ZNF17: variants seen among roughly 807,000 people sequenced by gnomAD.
ZNF17 encodes zinc finger protein 17, also known as zinc finger protein 17 (HPF3, KOX 10).
A neutral mutation model predicts 7.7 loss-of-function variants in ZNF17; 4 were observed. That is an observed-to-expected ratio of 0.52 (90% CI 0.26 to 1.20). The LOEUF is 1.20. Ranked by LOEUF, ZNF17 falls within the 50% of genes most tolerant of loss-of-function variation. ZNF17 has a pLI of 0.14. For synonymous variants in ZNF17, 249 were observed against 258.8 expected (o/e 0.96, Z 0.36); for missense variants, 738 against 799.5 (o/e 0.92, Z 0.93).
At position 57,420,326 on chromosome 19, in the gene ZNF17, A is replaced by G; in HGVS notation, c.840A>G (p.Glu280=). ...GAGAAAGGCCTTATGAGTGCAGTGA[A>G]TGTGGGAAAGCTTTTCTTAGAAAGT... The part of the protein sequence containing the change: ...HTGERPYECS[E]CGKAFLRKSH... The change falls in exon 4 of 4, where the codon GAA becomes GAG. Residue 280 remains glutamate (E), a synonymous_variant. Coordinates refer to ENST00000307658, the MANE Select transcript of ZNF17 (RefSeq NM_001330617.2). 6.2e-7 allele frequency: 1 copy of G among 1,614,188 alleles called. No individual in the cohort carries two copies. The highest frequency in any genetic ancestry group is 8.5e-7 in the Non-Finnish European group (1 of 1,180,028).
At position 57,421,196 on chromosome 19, in the gene ZNF17, C is replaced by G; in HGVS notation, c.1710C>G (p.His570Gln). Reference sequence around the variant, plus strand: ...GGAGAGTTTTTAGCCAAAATTCCCACCTCATTCGGCACCAAAAAGTTCACA... The same window carrying G: ...GGAGAGTTTTTAGCCAAAATTCCCAGCTCATTCGGCACCAAAAAGTTCACA... ...ECGRVFSQNS[H>Q]LIRHQKVHTR... The change falls in exon 4 of 4, where the codon CAC becomes CAG. Residue 570 changes from histidine to glutamine, a missense_variant. Physicochemically the swap from His to Gln is conservative, Grantham distance 24. Coordinates refer to ENST00000307658, the MANE Select transcript of ZNF17 (RefSeq NM_001330617.2). The G allele has an allele frequency of 6.2e-7, 1 of 1,614,024 alleles. No individual in the cohort carries two copies. The highest frequency in any genetic ancestry group is 8.5e-7 in the Non-Finnish European group (1 of 1,179,990).
intron 1 of ZNF17, among the ~76,000 whole-genome samples, chr19:57,412,713 G>C (rs993950721): frequency 2.0e-5 from 3 of 151,992 alleles, no homozygotes; most frequent in Non-Finnish European, 4.4e-5. Context: ...CAAAGTGCTG[G>C]GATTACAGGC....
At chr19:57,414,786 C>T (rs914312936) in intron 2 of ZNF17, among the ~76,000 whole-genome samples, 1 of 151,062 alleles carries the variant, frequency 6.6e-6, no homozygotes, top group African/African-American at 2.4e-5. Context: ...ACTCGGCTCA[C>T]TGCAAGCTTC....
At chr19:57,412,312 A>G (rs1057470439) in intron 1 of ZNF17, among the ~76,000 whole-genome samples, 1 of 152,150 alleles carries the variant, frequency 6.6e-6, no homozygotes, top group African/African-American at 2.4e-5. Flanking sequence ...GGGCTTTCTC[A>G]CATCTAGTCA....
At chr19:57,411,427 C>G (rs767034338) in intron 1 of ZNF17, 21 bp downstream of exon 1, 1 of 1,608,816 alleles carries the variant, frequency 6.2e-7, no homozygotes, top group African/African-American at 1.3e-5. Flanking sequence ...CGTCCCAGGG[C>G]GCCCCGCCCG....
rs28418770 is a variant in ZNF17 at position 57,420,057 on chromosome 19, A to G, written c.571A>G (p.Asn191Asp). The G allele has an allele frequency of 0.013, 20,448 of 1,614,102 alleles. 1,917 individuals are homozygous for G. The African/African-American group carries it at 0.22, about 18-fold the overall frequency. The change falls in exon 4 of 4, where the codon AAT becomes GAT. Residue 191 changes from asparagine (N) to aspartate (D), a missense_variant. By Grantham distance (23) the Asn-to-Asp change is conservative. Coordinates refer to ENST00000307658, the MANE Select transcript of ZNF17 (RefSeq NM_001330617.2). ...GGAGGCCTTTCAAAGTGGACAGAAT[A>G]ATTACAGCTGCACCCAATGTGGGAA... ...GVEAFQSGQN[N>D]YSCTQCGKDF... is the part of the protein sequence containing the mutation.
At chr19:57,416,889 A>G (rs1421209052) in intron 2 of ZNF17, among the ~76,000 whole-genome samples, 1 of 152,130 alleles carries the variant, frequency 6.6e-6, no homozygotes, top group Admixed American at 6.6e-5. Context: ...ATCAGTGGCA[A>G]TGAGGGGAGA....
chr19:57,411,577 C>G (rs75810496), intron 1 of ZNF17, 171 bp downstream of exon 1: 5 of 1,428,892 alleles, frequency 3.5e-6, no homozygotes, highest in Non-Finnish European at 4.6e-6. Flanking sequence ...GGGACCTGCA[C>G]GTGCGAGGCT....
intron 2 of ZNF17, among the ~76,000 whole-genome samples, chr19:57,414,956 C>T (rs1032999405): frequency 7.9e-4 from 120 of 151,152 alleles, no homozygotes; most frequent in African/African-American, 2.4e-3. Context: ...ATGATCTGCC[C>T]GCCTCAGCCT....
chr19:57,420,790 A>G lies in ZNF17; in HGVS notation c.1304A>G (p.Gln435Arg). ...GACACTTCCACACTCATTATTCATC[A>G]GAGAGTTCATACTGGAGAAAAGCCT... is the stretch of plus-strand genomic sequence containing the variant. ...FMDTSTLIIHQRVHTGEKPYE... is the reference protein window; with the variant it reads ...FMDTSTLIIHRRVHTGEKPYE... Residue 435 changes from glutamine to arginine, a missense_variant, in exon 4 of 4, where the codon CAG becomes CGG. Gln to Arg is a conservative substitution (Grantham distance 43). Around this residue, in one of 3 missense-constraint regions of ZNF17, gnomAD observed 616 missense variants for 663.9 expected, o/e 0.93. Coordinates refer to ENST00000307658, the MANE Select transcript of ZNF17 (RefSeq NM_001330617.2). The G allele has an allele frequency of 1.2e-6, 2 of 1,613,992 alleles. No homozygotes were observed. The highest frequency in any genetic ancestry group is 1.7e-6 in the Non-Finnish European group (2 of 1,179,960).
chr19:57,414,903 C>T (rs780051970), intron 2 of ZNF17, among the ~76,000 whole-genome samples: 1 of 151,310 alleles, frequency 6.6e-6, no homozygotes, highest in African/African-American at 2.4e-5. Flanking sequence ...TTTAGTAGAG[C>T]CAGGGTTTCA....
At position 57,420,711 on chromosome 19, in the gene ZNF17, G is replaced by A. The variant is rs374546338; in HGVS notation, c.1225G>A (p.Val409Ile). 8 of 1,613,000 alleles carry A rather than the reference G, an allele frequency of 5.0e-6. No homozygotes were observed. The highest frequency in any genetic ancestry group is 6.8e-6 in the Non-Finnish European group (8 of 1,179,686). Residue 409 changes from valine to isoleucine, a missense_variant, in exon 4 of 4, where the codon GTT becomes ATT. Around this residue, in one of 3 missense-constraint regions of ZNF17, gnomAD observed 616 missense variants for 663.9 expected, o/e 0.93. Coordinates refer to ENST00000307658, the MANE Select transcript of ZNF17 (RefSeq NM_001330617.2). ...YRSTLIRHQK[V>I]HTGEKPYECS... ...TTCCACACTCATTAGACATCAGAAA[G>A]TTCACACTGGAGAAAAGCCTTATGA...
intron 1 of ZNF17, among the ~76,000 whole-genome samples, chr19:57,412,508 G>T (rs1481395571): frequency 1.3e-5 from 2 of 151,444 alleles, no homozygotes; most frequent in Non-Finnish European, 2.9e-5. Context: ...GCAGTGGCGC[G>T]ATCTCGGCTC....
chr19:57,411,941 GATTTTGT>G (rs2088779955), intron 1 of ZNF17, among the ~76,000 whole-genome samples: 1 of 152,178 alleles, frequency 6.6e-6, no homozygotes, highest in Non-Finnish European at 1.5e-5. Context: ...CTATTCCATG[GATTTTGT>G]TTTGGCCTGA....
Position 57,421,264 on chromosome 19 carries a change from T to G in ZNF17, c.1778T>G (p.Phe593Cys). ...TYKCSKCGKF[F>C]MDSSTLISHE... ...AAATGCAGCAAATGTGGGAAATTTT[T>G]TATGGACAGCTCCACACTCATTAGT... The change falls in exon 4 of 4, where the codon TTT becomes TGT. Residue 593 changes from phenylalanine to cysteine, a missense_variant. Around this residue, in one of 3 missense-constraint regions of ZNF17, gnomAD observed 116 missense variants for 114.0 expected, o/e 1.02. Coordinates refer to ENST00000307658, the MANE Select transcript of ZNF17 (RefSeq NM_001330617.2). The G allele has an allele frequency of 6.2e-7, 1 of 1,614,050 alleles. No homozygotes were observed. The highest frequency in any genetic ancestry group is 8.5e-7 in the Non-Finnish European group (1 of 1,179,988).
At chr19:57,415,213 T>C (rs2088804523) in intron 2 of ZNF17, among the ~76,000 whole-genome samples, 1 of 152,132 alleles carries the variant, frequency 6.6e-6, no homozygotes, top group Non-Finnish European at 1.5e-5. Context: ...CTCACATTTT[T>C]TGATGTACAG....
At position 57,421,205 on chromosome 19, in the gene ZNF17, G is replaced by C; in HGVS notation, c.1719G>C (p.Arg573=). The change falls in exon 4 of 4, where the codon CGG becomes CGC. Residue 573 remains arginine, a synonymous_variant. Coordinates refer to ENST00000307658, the MANE Select transcript of ZNF17 (RefSeq NM_001330617.2). Reference sequence around the variant, plus strand: ...TTAGCCAAAATTCCCACCTCATTCGGCACCAAAAAGTTCACACTAGGGAAA... The same window carrying C: ...TTAGCCAAAATTCCCACCTCATTCGCCACCAAAAAGTTCACACTAGGGAAA... ...RVFSQNSHLI[R]HQKVHTRERT... is the part of the protein sequence containing the mutation. 6.2e-7 allele frequency: 1 copy of C among 1,613,964 alleles called. No homozygotes were observed. Among genetic ancestry groups the C allele is most frequent in the South Asian group, 1.1e-5 (1 of 91,082 alleles).
chr19:57,417,440 G>A (rs2123066867), intron 2 of ZNF17, among the ~76,000 whole-genome samples: 1 of 152,294 alleles, frequency 6.6e-6, no homozygotes, highest in African/African-American at 2.4e-5. Context: ...ATAGGAGGCA[G>A]TTCAGTCTAT....
intron 3 of ZNF17, 174 bp from the exon 4 acceptor site, chr19:57,419,461 G>A (rs2088832762): frequency 6.2e-6 from 4 of 642,480 alleles, no homozygotes; most frequent in Non-Finnish European, 1.1e-5. Flanking sequence ...CTTTCGTTAT[G>A]GGTTTCTGTC....
Sources: allele counts gnomAD v4.1 joint callset (sites outside exome capture counted in the v4.1 genomes callset), GRCh38; gene constraint gnomAD v4.1.1; regional missense constraint gnomAD v4.1.1; transcripts MANE v1.5; gene names NCBI Gene and HGNC (gene_info 2026-07-23, HGNC 2026-07-21).